Variants in XRRA1 observed in about 807,000 individuals in gnomAD.
The protein encoded by XRRA1 is X-ray radiation resistance-associated protein 1.
Under a neutral mutation model 80.2 loss-of-function variants are expected in XRRA1, and 69 were observed. That is an observed-to-expected ratio of 0.86 (90% confidence interval 0.71 to 1.05). The LOEUF is 1.05. Among genes scored for constraint, XRRA1 ranks in the 50% least tolerant of loss-of-function variants. The probability of loss-of-function intolerance (pLI) is 0.00; values close to 1 mark genes in which losing one functional copy is unlikely to be tolerated. For synonymous variants in XRRA1, 348 were observed against 389.9 expected, an observed-to-expected ratio of 0.89 and a Z score of 1.27; for missense variants, 967 against 976.4, an observed-to-expected ratio of 0.99 and a Z score of 0.13.
At chr11:74,926,870 C>T (rs571250708) in intron 7 of XRRA1, among the ~76,000 whole-genome samples, 2 of 152,224 alleles carry the variant, frequency 1.3e-5, no homozygotes, top group African/African-American at 2.4e-5. Flanking sequence ...TACTCATCTC[C>T]GAGGTTATGG....
intron 10 of XRRA1, among the ~76,000 whole-genome samples, chr11:74,879,495 C>T (rs12285144): frequency 0.012 from 1,755 of 151,712 alleles, 47 homozygotes; most frequent in African/African-American, 0.04. Context: ...GAACTTCCAA[C>T]ACTGTGTTGA....
At chr11:74,878,213 GTGA>G (rs1435826306) in intron 10 of XRRA1, among the ~76,000 whole-genome samples, 1 of 151,738 alleles carries the variant, frequency 6.6e-6, no homozygotes, top group African/African-American at 2.4e-5. Context: ...CTGATGGCCA[GTGA>G]TGATGAGCAT....
chr11:74,872,945 G>A (rs1302651601), intron 10 of XRRA1, among the ~76,000 whole-genome samples: 4 of 152,082 alleles, frequency 2.6e-5, no homozygotes, highest in Non-Finnish European at 5.9e-5. Flanking sequence ...GTAGTTGGGA[G>A]GACCTATTAT....
At chr11:74,893,118 G>A (rs36194564) in intron 10 of XRRA1, among the ~76,000 whole-genome samples, 3,752 of 152,228 alleles carry the variant, frequency 0.025, 163 homozygotes, top group African/African-American at 0.085. Flanking sequence ...TATGTTTATT[G>A]TGGCACTATT....
intron 10 of XRRA1, among the ~76,000 whole-genome samples, chr11:74,901,730 A>C (rs1250863182): frequency 6.6e-6 from 1 of 152,218 alleles, no homozygotes; most frequent in Non-Finnish European, 1.5e-5. Flanking sequence ...GGATAAGAGG[A>C]TATCCATATG....
At chr11:74,920,974 GTTT>G (rs1940575567) in intron 8 of XRRA1, among the ~76,000 whole-genome samples, 1 of 152,188 alleles carries the variant, frequency 6.6e-6, no homozygotes, top group Non-Finnish European at 1.5e-5. Context: ...TGGCAAGACA[GTTT>G]ACAGATGACC....
At chr11:74,853,256 A>G (rs575503028) in intron 12 of XRRA1, among the ~76,000 whole-genome samples, 32 of 152,320 alleles carry the variant, frequency 2.1e-4, no homozygotes, top group Admixed American at 4.6e-4. Context: ...CTGAGGTCTG[A>G]AGGAGGAGGA....
chr11:74,911,858 G>T (rs1332604778), intron 8 of XRRA1, among the ~76,000 whole-genome samples: 1 of 152,190 alleles, frequency 6.6e-6, no homozygotes, highest in Non-Finnish European at 1.5e-5. Flanking sequence ...CTGAACTATG[G>T]TTTAACAGTA....
At chr11:74,902,333 C>A (rs1223987168) in intron 10 of XRRA1, among the ~76,000 whole-genome samples, 2 of 152,156 alleles carry the variant, frequency 1.3e-5, no homozygotes, top group East Asian at 3.8e-4. Context: ...TAAATTAGCA[C>A]AACCACTATG....
intron 3 of XRRA1, among the ~76,000 whole-genome samples, chr11:74,939,005 G>C (rs371326944): frequency 2.6e-5 from 4 of 152,302 alleles, no homozygotes; most frequent in South Asian, 4.1e-4. Context: ...TGTTTGAATA[G>C]TGACTTTCTA....
chr11:74,857,570 T>C (rs914577527), intron 12 of XRRA1, among the ~76,000 whole-genome samples: 3 of 152,188 alleles, frequency 2.0e-5, no homozygotes, highest in Non-Finnish European at 4.4e-5. Context: ...AGAACAACTA[T>C]ACAACAGTAC....
At chr11:74,873,826 A>G (rs2045439854) in intron 10 of XRRA1, among the ~76,000 whole-genome samples, 1 of 152,118 alleles carries the variant, frequency 6.6e-6, no homozygotes, top group African/African-American at 2.4e-5. Flanking sequence ...GAGTAAGCCA[A>G]TTTCCTCCTT....
intron 14 of XRRA1, among the ~76,000 whole-genome samples, chr11:74,850,217 T>C (rs2039423644): frequency 6.6e-6 from 1 of 152,282 alleles, no homozygotes; most frequent in East Asian, 1.9e-4. Context: ...ACTGTGAGGA[T>C]TATGGGATAG....
At chr11:74,912,455 G>A (rs2056131819) in intron 8 of XRRA1, among the ~76,000 whole-genome samples, 1 of 152,110 alleles carries the variant, frequency 6.6e-6, no homozygotes, top group South Asian at 2.1e-4. Flanking sequence ...CAACCCTGCT[G>A]GGCCAGGGGC....
At chr11:74,858,081 G>GT (rs2041526675) in intron 12 of XRRA1, among the ~76,000 whole-genome samples, 1 of 152,134 alleles carries the variant, frequency 6.6e-6, no homozygotes, top group Non-Finnish European at 1.5e-5. Flanking sequence ...ATCATTTTAA[G>GT]TAAAAGAACA....
chr11:74,862,040 G>T (rs539584769), intron 11 of XRRA1, among the ~76,000 whole-genome samples: 27 of 152,340 alleles, frequency 1.8e-4, no homozygotes, highest in African/African-American at 6.0e-4. Context: ...CCAATAGAAT[G>T]TGGAGAAGTG....
At chr11:74,943,374 G>A (rs1023082691) in intron 2 of XRRA1, among the ~76,000 whole-genome samples, 1 of 152,170 alleles carries the variant, frequency 6.6e-6, no homozygotes, top group African/African-American at 2.4e-5. Flanking sequence ...CTTATCATTT[G>A]TCATTCACAG....
At chr11:74,859,037 C>T in intron 12 of XRRA1, 121 bp downstream of exon 12, 1 of 1,330,008 alleles carries the variant, frequency 7.5e-7, no homozygotes, top group Non-Finnish European at 9.8e-7. Flanking sequence ...CTGAGAATTC[C>T]TGAGCCCATG....
intron 1 of XRRA1, among the ~76,000 whole-genome samples, chr11:74,947,160 T>G (rs1368795831): frequency 6.6e-6 from 1 of 152,070 alleles, no homozygotes; most frequent in African/African-American, 2.4e-5. Flanking sequence ...CTTCATGCAG[T>G]GGGTGAAGAA....
Sources: gnomAD v4.1 joint callset for allele counts (sites outside exome capture counted in the v4.1 genomes callset) on GRCh38, gnomAD v4.1.1 for gene constraint, MANE v1.5 for transcripts, NCBI Gene and HGNC (gene_info 2026-07-23, HGNC 2026-07-21) for gene names.